SEPTIN11: variants seen among roughly 807,000 people sequenced by gnomAD.
SEPTIN11 encodes septin-11.
A neutral mutation model predicts 51.4 loss-of-function variants in SEPTIN11; 25 were observed. The observed-to-expected ratio is 0.49, with a 90% confidence interval of 0.35 to 0.68. The LOEUF is 0.68. Among genes scored for constraint, SEPTIN11 ranks in the 30% least tolerant of loss-of-function variants. The probability of loss-of-function intolerance (pLI) is 0.00; values close to 1 mark genes in which losing one functional copy is unlikely to be tolerated. For synonymous variants in SEPTIN11, 174 were observed against 184.1 expected, an observed-to-expected ratio of 0.95 and a Z score of 0.44; for missense variants, 381 against 520.8, an observed-to-expected ratio of 0.73 and a Z score of 2.61.
chr4:77,031,346 T>A (rs1726617274), intron 9 of SEPTIN11: 1 of 161,090 alleles, frequency 6.2e-6, no homozygotes, highest in Non-Finnish European at 1.3e-5. Flanking sequence ...TAAAATTATT[T>A]TCCTATTCTG....
At position 77,034,794 on chromosome 4, in the gene SEPTIN11, G is replaced by A; in HGVS notation, c.*282G>A. ...CTGAATGGCAGCACGAAGCAGGCCT[G>A]TTACTTGTATGTCGCTTTGGACAGA... On this transcript the variant is annotated 3_prime_UTR_variant, in exon 10 of 10. Coordinates refer to ENST00000264893, the MANE Select transcript of SEPTIN11 (RefSeq NM_018243.4). The A allele has an allele frequency of 8.8e-7, 1 of 1,133,538 alleles. No homozygotes were observed. The highest frequency in any genetic ancestry group is 1.1e-6 in the Non-Finnish European group (1 of 925,648). The allele number at this position is 1,133,538 out of a possible 1,614,324, so 70.2% of individuals were successfully genotyped here. A position where few individuals can be genotyped will look rare whatever the true frequency, so the allele number is the denominator to read the frequency against.
intron 7 of SEPTIN11, among the ~76,000 whole-genome samples, chr4:77,028,215 AG>A (rs1267098857): frequency 6.6e-6 from 1 of 152,158 alleles, no homozygotes. Flanking sequence ...TGCTTTTCTA[AG>A]AACAGCCGGT....
At chr4:77,004,011 C>A (rs1026711155) in intron 2 of SEPTIN11, among the ~76,000 whole-genome samples, 2 of 152,152 alleles carry the variant, frequency 1.3e-5, no homozygotes, top group Admixed American at 1.3e-4. Flanking sequence ...GCTAATGTTT[C>A]TAGATTTCTA....
rs139088095 is a variant in SEPTIN11, at chr4:77,021,062, C to G, written c.953+392C>G. The G allele has an allele frequency of 3.9e-3, 623 of 161,326 alleles. 6 individuals carry two copies. The highest frequency in any genetic ancestry group is 0.014 in the African/African-American group (608 of 41,932). 10.0% of individuals were successfully genotyped at this position (161,326 alleles called of 1,614,324 possible). A position where few individuals can be genotyped will look rare whatever the true frequency, so the allele number is the denominator to read the frequency against. On this transcript the variant is annotated intron_variant, in intron 7 of 9. Coordinates refer to ENST00000264893, the MANE Select transcript of SEPTIN11 (RefSeq NM_018243.4). ...TTTACAAAGGTGCGGCTGCTGATTA[C>G]AGTTTGCCCCATTCATTTTTGCCAA...
chr4:76,969,315 G>A (rs890116087), intron 1 of SEPTIN11, among the ~76,000 whole-genome samples: 3 of 152,178 alleles, frequency 2.0e-5, no homozygotes, highest in Admixed American at 1.3e-4. Context: ...TGAGCCTCCA[G>A]AGACCAGTAT....
chr4:77,020,398 G>C, intron 6 of SEPTIN11, 104 bp from the exon 7 acceptor site: 1 of 1,384,172 alleles, frequency 7.2e-7, no homozygotes, highest in Non-Finnish European at 1.0e-6. Flanking sequence ...TGAGACCCCA[G>C]AGATTTCAGG....
At chr4:77,000,798 A>C (rs1724064986) in intron 2 of SEPTIN11, among the ~76,000 whole-genome samples, 1 of 152,176 alleles carries the variant, frequency 6.6e-6, no homozygotes, top group South Asian at 2.1e-4. Context: ...ACGCTGGCTC[A>C]TCTTATGCCG....
At chr4:76,983,934 G>A (rs1316912055) in intron 1 of SEPTIN11, among the ~76,000 whole-genome samples, 4 of 152,156 alleles carry the variant, frequency 2.6e-5, no homozygotes, top group East Asian at 1.9e-4. Flanking sequence ...TTGAACCCTG[G>A]AGGCGGAGGT....
intron 1 of SEPTIN11, among the ~76,000 whole-genome samples, chr4:76,983,311 C>T (rs1722862198): frequency 6.6e-6 from 1 of 152,166 alleles, no homozygotes; most frequent in South Asian, 2.1e-4. Flanking sequence ...GAGGTGACCT[C>T]GTGGCTTGGA....
At chr4:77,018,252 C>T (rs1213391998) in intron 5 of SEPTIN11, among the ~76,000 whole-genome samples, 2 of 152,040 alleles carry the variant, frequency 1.3e-5, no homozygotes, top group Non-Finnish European at 2.9e-5. Flanking sequence ...AGATCGAGAC[C>T]ATCCTGGCTA....
chr4:77,034,964 A>G lies in SEPTIN11; in HGVS notation c.*452A>G, dbSNP rs1726932159. The G allele has an allele frequency of 4.1e-6, 4 of 986,846 alleles. No individual in the cohort carries two copies. The South Asian group carries it at 1.4e-4, about 35-fold the overall frequency. The allele number at this position is 986,846 out of a possible 1,614,324, so 61.1% of individuals were successfully genotyped here. A position where few individuals can be genotyped will look rare whatever the true frequency, so the allele number is the denominator to read the frequency against. ...CCATGAGTGCACAATCCCTGAACTC[A>G]CTGTCTTTTCTCCACACTTGTCCTA... is the stretch of plus-strand genomic sequence containing the variant. On this transcript the variant is annotated 3_prime_UTR_variant, in exon 10 of 10. Coordinates refer to ENST00000264893, the MANE Select transcript of SEPTIN11 (RefSeq NM_018243.4).
intron 1 of SEPTIN11, among the ~76,000 whole-genome samples, chr4:76,954,181 A>G (rs963243701): frequency 1.3e-5 from 2 of 152,212 alleles, no homozygotes; most frequent in African/African-American, 2.4e-5. Flanking sequence ...ATTCTACCCA[A>G]TGATGATGTC....
At chr4:76,969,129 C>G (rs1722142610) in intron 1 of SEPTIN11, among the ~76,000 whole-genome samples, 1 of 152,200 alleles carries the variant, frequency 6.6e-6, no homozygotes, top group South Asian at 2.1e-4. Flanking sequence ...TCTAATTTTT[C>G]AGGCCAACAG....
chr4:76,998,777 G>A (rs1723914477), intron 2 of SEPTIN11, among the ~76,000 whole-genome samples: 3 of 152,160 alleles, frequency 2.0e-5, no homozygotes, highest in Middle Eastern at 3.4e-3. Context: ...GTCTGGCTCT[G>A]TCAGCATCAC....
At chr4:76,985,241 C>T (rs1014695078) in intron 1 of SEPTIN11, 1 of 152,200 alleles carries the variant, frequency 6.6e-6, no homozygotes. Context: ...TCTTGGCATC[C>T]AGTTAGATTT....
intron 1 of SEPTIN11, among the ~76,000 whole-genome samples, chr4:76,954,373 G>C (rs1240173716): frequency 6.6e-6 from 1 of 152,144 alleles, no homozygotes; most frequent in African/African-American, 2.4e-5. Context: ...GGTTAGCAAA[G>C]CTGAACCATT....
intron 1 of SEPTIN11, among the ~76,000 whole-genome samples, chr4:76,962,979 G>A (rs1477993761): frequency 6.6e-6 from 1 of 152,134 alleles, no homozygotes; most frequent in African/African-American, 2.4e-5. Flanking sequence ...CAAGTGACTT[G>A]GCTTTTTGGC....
intron 7 of SEPTIN11, among the ~76,000 whole-genome samples, chr4:77,025,339 C>A (rs1726042816): frequency 6.6e-6 from 1 of 151,980 alleles, no homozygotes; most frequent in South Asian, 2.1e-4. Flanking sequence ...GAATTTAAGA[C>A]CAGCCTGGGC....
chr4:77,010,742 G>A (rs1026709094), intron 3 of SEPTIN11, among the ~76,000 whole-genome samples: 2 of 152,152 alleles, frequency 1.3e-5, no homozygotes, highest in African/African-American at 4.8e-5. Flanking sequence ...CTTAAAACTT[G>A]TATCTTCGGA....
Sources: allele counts gnomAD v4.1 joint callset (sites outside exome capture counted in the v4.1 genomes callset), GRCh38; gene constraint gnomAD v4.1.1; transcripts MANE v1.5; gene names NCBI Gene and HGNC (gene_info 2026-07-23, HGNC 2026-07-21).